GIGYF2: variants seen among roughly 807,000 people sequenced by gnomAD.
The protein encoded by GIGYF2 is GRB10 interacting GYF protein 2.
Under a neutral mutation model 208.1 loss-of-function variants are expected in GIGYF2, and 25 were observed. That is an observed-to-expected ratio of 0.12 (90% confidence interval 0.09 to 0.17). The LOEUF (loss-of-function observed/expected upper bound fraction) is 0.17, where lower values mean the gene tolerates loss of function less well. GIGYF2 is among the 10% of genes least tolerant of loss of function. The probability of loss-of-function intolerance (pLI) is 1.00; values close to 1 mark genes in which losing one functional copy is unlikely to be tolerated. For synonymous variants in GIGYF2, 534 were observed against 543.8 expected (o/e 0.98, Z 0.25); for missense variants, 1,302 against 1,579.4 (o/e 0.82, Z 2.98).
chr2:232,728,962 T>C (rs1010993344), intron 2 of GIGYF2, among the ~76,000 whole-genome samples: 3 of 152,066 alleles, frequency 2.0e-5, no homozygotes, highest in African/African-American at 4.8e-5. Flanking sequence ...TTCTCTTTCC[T>C]TTTCCCTTTC....
intron 1 of GIGYF2, among the ~76,000 whole-genome samples, chr2:232,698,860 T>C (rs1446835403): frequency 1.3e-5 from 2 of 152,198 alleles, no homozygotes; most frequent in South Asian, 2.1e-4. Context: ...TTTGAGACTC[T>C]TGAGGTTTGG....
At chr2:232,741,168 C>G (rs983936388) in intron 3 of GIGYF2, among the ~76,000 whole-genome samples, 1 of 152,134 alleles carries the variant, frequency 6.6e-6, no homozygotes, top group Non-Finnish European at 1.5e-5. Context: ...CAAAACTGAT[C>G]TCGTTAGTTT....
rs145367116 is a variant in GIGYF2, at chr2:232,730,337, G to A, written c.-43-4818G>A. On this transcript the variant is annotated intron_variant, in intron 2 of 28. Coordinates refer to ENST00000373563, the MANE Select transcript of GIGYF2 (RefSeq NM_001103146.3). ...TTTACTTTAGGGGCCGGGTGCAGTG[G>A]CTCACGCCTGTAGTCCCAGCACTTT... 2,015 of 512,962 alleles carry A rather than the reference G, an allele frequency of 3.9e-3. 30 individuals are homozygous for A. Among genetic ancestry groups the A allele is most frequent in the African/African-American group, 0.033 (1,683 of 51,034 alleles). The allele number at this position is 512,962 out of a possible 1,614,324, so 31.8% of individuals were successfully genotyped here.
chr2:232,742,255 T>C (rs762444730), intron 3 of GIGYF2, among the ~76,000 whole-genome samples: 1 of 152,070 alleles, frequency 6.6e-6, no homozygotes, highest in Non-Finnish European at 1.5e-5. Context: ...GAAAAAAGAA[T>C]TGGGGCTGGG....
At chr2:232,782,312 C>G (rs1699746678) in intron 8 of GIGYF2, among the ~76,000 whole-genome samples, 2 of 152,210 alleles carry the variant, frequency 1.3e-5, no homozygotes, top group South Asian at 4.2e-4. Context: ...ATCCTCTCTC[C>G]TCAGCCTCCC....
chr2:232,818,004 A>G (rs1559454436), intron 20 of GIGYF2, among the ~76,000 whole-genome samples: 1 of 152,132 alleles, frequency 6.6e-6, no homozygotes, highest in African/African-American at 2.4e-5. Context: ...AGCTGTTCCC[A>G]GTGTCTCCAC....
chr2:232,773,829 C>G (rs769190009), intron 8 of GIGYF2, among the ~76,000 whole-genome samples: 6 of 145,836 alleles, frequency 4.1e-5, no homozygotes, highest in Non-Finnish European at 8.9e-5. Context: ...CCCAGCACTT[C>G]GGGAGGCCGA....
chr2:232,814,185 C>A (rs1574914788), intron 18 of GIGYF2, among the ~76,000 whole-genome samples: 4 of 152,030 alleles, frequency 2.6e-5, no homozygotes, highest in Admixed American at 2.6e-4. Flanking sequence ...GGTGCCCAAC[C>A]CATGATTGGA....
chr2:232,737,286 G>A (rs1432764931), intron 3 of GIGYF2, among the ~76,000 whole-genome samples: 1 of 152,086 alleles, frequency 6.6e-6, no homozygotes, highest in Non-Finnish European at 1.5e-5. Context: ...TTTGTTTGAT[G>A]GTATTTCACT....
intron 23 of GIGYF2, 43 bp downstream of exon 23, chr2:232,840,014 A>C (rs1277012839): frequency 6.3e-7 from 1 of 1,594,182 alleles, no homozygotes; most frequent in Admixed American, 1.7e-5. Flanking sequence ...GCGATGTTCC[A>C]GAATATCTAG....
intron 1 of GIGYF2, among the ~76,000 whole-genome samples, chr2:232,700,400 T>C (rs534661025): frequency 3.9e-5 from 6 of 152,358 alleles, no homozygotes; most frequent in African/African-American, 1.2e-4. Context: ...GATGACACTG[T>C]TGATAGTGAT....
At chr2:232,836,679 G>A (rs1015067911) in intron 22 of GIGYF2, among the ~76,000 whole-genome samples, 4 of 149,756 alleles carry the variant, frequency 2.7e-5, no homozygotes, top group African/African-American at 9.8e-5. Flanking sequence ...AATTTGTTTT[G>A]ACTCCGGGAG....
intron 2 of GIGYF2, among the ~76,000 whole-genome samples, chr2:232,703,965 T>C (rs1199507356): frequency 6.6e-6 from 1 of 152,230 alleles, no homozygotes. Flanking sequence ...AAATGGCCAC[T>C]TAATTCTTGG....
chr2:232,743,213 A>G (rs1335311020), intron 3 of GIGYF2, among the ~76,000 whole-genome samples: 1 of 152,188 alleles, frequency 6.6e-6, no homozygotes, highest in East Asian at 1.9e-4. Context: ...AACCAGGCAC[A>G]CTGCGTTTTG....
At chr2:232,719,917 T>C (rs1474215516) in intron 2 of GIGYF2, among the ~76,000 whole-genome samples, 1 of 152,194 alleles carries the variant, frequency 6.6e-6, no homozygotes, top group Non-Finnish European at 1.5e-5. Context: ...AGCTGTTTTT[T>C]TTTTGTTATA....
At chr2:232,808,098 T>G (rs1415304499) in intron 15 of GIGYF2, among the ~76,000 whole-genome samples, 1 of 152,184 alleles carries the variant, frequency 6.6e-6, no homozygotes, top group Non-Finnish European at 1.5e-5. Context: ...GATTTCACAA[T>G]CCACTAATGT....
chr2:232,782,465 A>G (rs1172533707), intron 8 of GIGYF2, among the ~76,000 whole-genome samples: 1 of 152,202 alleles, frequency 6.6e-6, no homozygotes, highest in Non-Finnish European at 1.5e-5. Context: ...ACAGAAATGC[A>G]AACATATACT....
intron 8 of GIGYF2, chr2:232,765,738 A>G: frequency 9.6e-6 from 3 of 313,894 alleles, no homozygotes; most frequent in South Asian, 8.0e-5. Flanking sequence ...GTATTTTGGT[A>G]TGAAGTACTT....
chr2:232,714,468 G>T (rs192456309), intron 2 of GIGYF2, among the ~76,000 whole-genome samples: 23 of 152,034 alleles, frequency 1.5e-4, no homozygotes, highest in African/African-American at 5.5e-4. Context: ...CTTTTTTGGG[G>T]GGTGCAGTCT....
Sources: gnomAD v4.1 joint callset for allele counts (sites outside exome capture counted in the v4.1 genomes callset) on GRCh38, gnomAD v4.1.1 for gene constraint, MANE v1.5 for transcripts, NCBI Gene and HGNC (gene_info 2026-07-23, HGNC 2026-07-21) for gene names.